GPSM1: variants seen among roughly 807,000 people sequenced by gnomAD.
GPSM1 encodes the protein G protein-signaling modulator 1.
A neutral mutation model predicts 70.5 loss-of-function variants in GPSM1; 48 were observed. The observed-to-expected ratio is 0.68, with a 90% CI of 0.54 to 0.87. GPSM1 has a LOEUF of 0.87. GPSM1 is among the 40% of genes least tolerant of loss of function. GPSM1 has a pLI of 0.00. For synonymous variants in GPSM1, 416 were observed against 430.1 expected (o/e 0.97, Z 0.41); for missense variants, 981 against 972.6 (o/e 1.01, Z -0.11).
chr9:136,343,502 G>C lies in GPSM1; in HGVS notation c.1207+2509G>C, dbSNP rs570747091. ...GCCCTGCTCAGGGCGTTGTGAGCAC[G>C]GTACACAAGAGTTACTGGGGGAGCA... is the stretch of plus-strand genomic sequence containing the variant. On this transcript the variant is annotated intron_variant, in intron 9 of 13. Coordinates refer to ENST00000440944, the MANE Select transcript of GPSM1 (RefSeq NM_001145638.3). This position sits in a 1 kb window ranked among gnomAD's most constrained non-coding sequence, Gnocchi z 6.0. Among the ~76,000 whole-genome samples, 2 of 152,228 alleles carry C rather than the reference G, an allele frequency of 1.3e-5. No individual in the cohort carries two copies. The highest frequency in any genetic ancestry group is 2.9e-5 in the Non-Finnish European group (2 of 68,028).
chr9:136,353,143 G>A (rs1159836672), intron 11 of GPSM1: 2 of 982,732 alleles, frequency 2.0e-6, no homozygotes, highest in Non-Finnish European at 2.4e-6. Flanking sequence ...TGTGGAGACA[G>A]CCTGTGATCC....
intron 1 of GPSM1, among the ~76,000 whole-genome samples, chr9:136,330,105 G>C (rs1832067827): frequency 6.6e-6 from 1 of 152,128 alleles, no homozygotes; most frequent in Non-Finnish European, 1.5e-5. Flanking sequence ...AGGCCTGGCG[G>C]GGACAGGCCA....
chr9:136,337,216 T>C, intron 4 of GPSM1, 144 bp downstream of exon 4: 1 of 1,042,998 alleles, frequency 9.6e-7, no homozygotes, highest in South Asian at 1.7e-5. Context: ...ACCCCCGCTT[T>C]CTCAGCTGCT....
chr9:136,349,627 G>A lies in GPSM1; in HGVS notation c.1319G>A (p.Gly440Glu). ...AGCCACCATTCAGGGGACTGGCGGGGGCCCAGCAGGGACTCGCTACCCCTC... is the reference window on the plus strand; with the variant it reads ...AGCCACCATTCAGGGGACTGGCGGGAGCCCAGCAGGGACTCGCTACCCCTC... ...GDSHHSGDWRGPSRDSLPLPV... is the reference protein window; with the variant it reads ...GDSHHSGDWREPSRDSLPLPV... Residue 440 changes from glycine (G) to glutamate (E), a missense_variant, in exon 11 of 14, where the codon GGG becomes GAG. Physicochemically the swap from Gly to Glu is moderately conservative, Grantham distance 98. Transcript: ENST00000440944. 6.5e-7 allele frequency: 1 copy of A among 1,550,002 alleles called. No individual in the cohort carries two copies. The highest frequency in any genetic ancestry group is 8.7e-7 in the Non-Finnish European group (1 of 1,146,676).
chr9:136,333,402 C>T (rs782051009), intron 1 of GPSM1, among the ~76,000 whole-genome samples: 5 of 151,754 alleles, frequency 3.3e-5, no homozygotes, highest in Non-Finnish European at 5.9e-5. Context: ...GGTGCGGAGC[C>T]GGGCAGCCAC....
chr9:136,333,479 G>T (rs1554768754), intron 1 of GPSM1, among the ~76,000 whole-genome samples: 1 of 152,240 alleles, frequency 6.6e-6, no homozygotes, highest in African/African-American at 2.4e-5. Flanking sequence ...CCAGGGTGGG[G>T]GTCCCTCGGT....
rs782663989 is a variant in GPSM1 at position 136,356,513 on chromosome 9, C to T, written c.1784C>T (p.Pro595Leu). The part of the protein sequence containing the change: ...HLRGHGEPQE[P>L]GDDFFNMLIK... The stretch of plus-strand genomic sequence containing the variant: ...CGAGGCCACGGCGAGCCCCAGGAGC[C>T]GGGGGACGACTTCTTCAACATGCTC... The change falls in exon 13 of 14, where the codon CCG becomes CTG. Residue 595 changes from proline to leucine, a missense_variant. By Grantham distance (98) the Pro-to-Leu change is moderately conservative. Coordinates refer to ENST00000440944, the MANE Select transcript of GPSM1 (RefSeq NM_001145638.3). 4.3e-6 allele frequency: 7 copies of T among 1,611,854 alleles called. No individual in the cohort carries two copies. The highest frequency in any genetic ancestry group is 1.1e-5 in the South Asian group (1 of 91,034).
intron 9 of GPSM1, among the ~76,000 whole-genome samples, chr9:136,346,545 A>G (rs1832527175): frequency 6.6e-6 from 1 of 152,166 alleles, no homozygotes. Context: ...CATCACTGCC[A>G]TTCACTAGGT....
At position 136,327,595 on chromosome 9, in the gene GPSM1, G is replaced by T; in HGVS notation, c.-101G>T. 2 of 220,314 alleles carry T rather than the reference G, an allele frequency of 9.1e-6. No individual in the cohort carries two copies. Among genetic ancestry groups the T allele is most frequent in the East Asian group, 1.4e-4 (1 of 7,218 alleles). 13.6% of individuals were successfully genotyped at this position (220,314 alleles called of 1,614,324 possible). On this transcript the variant is annotated 5_prime_UTR_variant, in exon 1 of 14. Coordinates refer to ENST00000440944, the MANE Select transcript of GPSM1 (RefSeq NM_001145638.3). The stretch of plus-strand genomic sequence containing the variant: ...GCGAACGAGGCGCGGACGGACAGGC[G>T]GACAGCAGGGCGGACAGCAGGGAGG...
At chr9:136,352,490 C>T (rs1832699065) in intron 11 of GPSM1, among the ~76,000 whole-genome samples, 5 of 152,198 alleles carry the variant, frequency 3.3e-5, no homozygotes. Context: ...GGGGACAGGG[C>T]AGGGTTGGCC....
chr9:136,340,727 C>T lies in GPSM1; in HGVS notation c.1084-143C>T. 1 of 1,205,194 alleles carries T rather than the reference C, an allele frequency of 8.3e-7. No individual in the cohort carries two copies. The highest frequency in any genetic ancestry group is 1.5e-5 in the African/African-American group (1 of 65,242). 74.7% of individuals were successfully genotyped at this position (1,205,194 alleles called of 1,614,324 possible). On this transcript the variant is annotated intron_variant, in intron 8 of 13. Coordinates refer to ENST00000440944, the MANE Select transcript of GPSM1 (RefSeq NM_001145638.3). The surrounding 1 kb of genome is among the most constrained non-coding windows in gnomAD (Gnocchi z 7.3). Reference sequence around the variant, plus strand: ...CCGGGTCCACAGTGAGTCCTGGTTCCCTCAGAGGCCCAGGGGTCAGTGACC... The same window carrying T: ...CCGGGTCCACAGTGAGTCCTGGTTCTCTCAGAGGCCCAGGGGTCAGTGACC...
Position 136,358,052 on chromosome 9 carries a change from C to T in GPSM1, c.1860C>T (p.Asp620=), listed in dbSNP as rs782605718. The part of the protein sequence containing the change: ...RIDDQRCPPP[D]VLPRGPTMPD... ...ATGACCAGCGCTGCCCGCCACCTGA[C>T]GTACTGCCCCGGGGCCCTACCATGC... The change falls in exon 14 of 14, where the codon GAC becomes GAT. Residue 620 remains aspartate, a synonymous_variant. Transcript: ENST00000440944. 17 of 1,612,636 alleles carry T rather than the reference C, an allele frequency of 1.1e-5. No individual in the cohort carries two copies. The Admixed American group carries it at 1.3e-4, about 13-fold the overall frequency.
Position 136,355,937 on chromosome 9 carries a change from G to C in GPSM1, c.1612+91G>C, listed in dbSNP as rs547887264. ...GTCCTGCTTCCAGTGAGGAGTTTTCGGGGGCAGACCAGCAGGCCAGCTGCA... is the reference window on the plus strand; with the variant it reads ...GTCCTGCTTCCAGTGAGGAGTTTTCCGGGGCAGACCAGCAGGCCAGCTGCA... On this transcript the variant is annotated intron_variant, in intron 12 of 13. Coordinates refer to ENST00000440944, the MANE Select transcript of GPSM1 (RefSeq NM_001145638.3). The C allele has an allele frequency of 1.2e-4, 130 of 1,120,820 alleles. No homozygotes were observed. In the East Asian group the frequency reaches 3.0e-3, roughly 26 times the overall value. The allele number at this position is 1,120,820 out of a possible 1,614,324, so 69.4% of individuals were successfully genotyped here. A position where few individuals can be genotyped will look rare whatever the true frequency, so the allele number is the denominator to read the frequency against.
chr9:136,352,779 G>A (rs1358088176), intron 11 of GPSM1, among the ~76,000 whole-genome samples: 3 of 152,246 alleles, frequency 2.0e-5, no homozygotes, highest in Non-Finnish European at 4.4e-5. Context: ...GGTGTCAGCG[G>A]GAAAAGGGCT....
intron 2 of GPSM1, 76 bp downstream of exon 2, chr9:136,334,744 T>G (rs868985873): frequency 1.7e-6 from 2 of 1,175,756 alleles, no homozygotes; most frequent in Non-Finnish European, 2.4e-6. Flanking sequence ...GCCCTGCTGG[T>G]GGGTGAGTGG....
rs1182278240 is a variant in GPSM1, at chr9:136,327,727, A to G, written c.32A>G (p.Glu11Gly). MAGPAPPAAD[E>G]LPGPAARRLY... ...GGCCCGGCCCCGCCCGCGGCCGACG[A>G]GCTCCCGGGCCCGGCCGCCAGGCGC... The change falls in exon 1 of 14, where the codon GAG (glutamate) becomes GGG (glycine). Residue 11 changes from glutamate (E) to glycine (G), a missense_variant. Transcript: ENST00000440944. 1.7e-6 allele frequency: 2 copies of G among 1,185,854 alleles called. No homozygotes were observed. Among genetic ancestry groups the G allele is most frequent in the African/African-American group, 1.6e-5 (1 of 61,694 alleles). 73.5% of individuals were successfully genotyped at this position (1,185,854 alleles called of 1,614,324 possible). A position where few individuals can be genotyped will look rare whatever the true frequency, so the allele number is the denominator to read the frequency against.
chr9:136,351,962 G>A (rs1832675065), intron 11 of GPSM1, among the ~76,000 whole-genome samples: 1 of 152,220 alleles, frequency 6.6e-6, no homozygotes, highest in African/African-American at 2.4e-5. Flanking sequence ...TCAGTGGCCG[G>A]GTGGGCCCCC....
In GPSM1 at chr9:136,336,198, G is replaced by C. The variant is rs1354347298; in HGVS notation, c.426+97G>C. 10 of 1,362,416 alleles carry C rather than the reference G, an allele frequency of 7.3e-6. No homozygotes were observed. The African/African-American group carries it at 1.1e-4, about 15-fold the overall frequency. 84.4% of individuals were successfully genotyped at this position (1,362,416 alleles called of 1,614,324 possible). A position where few individuals can be genotyped will look rare whatever the true frequency, so the allele number is the denominator to read the frequency against. ...GGGCGGGTGACTCACCACTCATCCA[G>C]CTCCTCATGGGAGGGATGACAGGGA... On this transcript the variant is annotated intron_variant, in intron 3 of 13. Transcript: ENST00000440944.
chr9:136,336,213 G>C (rs1284544297), intron 3 of GPSM1, 112 bp downstream of exon 3: 1 of 1,274,974 alleles, frequency 7.8e-7, no homozygotes, highest in African/African-American at 1.5e-5. Context: ...TCATGGGAGG[G>C]ATGACAGGGA....
Sources: allele counts gnomAD v4.1 joint callset (sites outside exome capture counted in the v4.1 genomes callset), GRCh38; gene constraint gnomAD v4.1.1; non-coding constraint Gnocchi (gnomAD v3.1); transcripts MANE v1.5; gene names NCBI Gene and HGNC (gene_info 2026-07-23, HGNC 2026-07-21).